Variants in KCNN2 observed in about 807,000 individuals in gnomAD.
KCNN2 encodes potassium calcium-activated channel subfamily N member 2, also known as small conductance calcium-activated potassium channel protein 2.
KCNN2 carries 24 observed loss-of-function variants against 55.5 expected under a neutral mutation model. That is an observed-to-expected ratio of 0.43 (90% CI 0.31 to 0.61). The LOEUF is 0.61. Ranked by LOEUF, KCNN2 falls within the 20% of genes least tolerant of loss-of-function variation. The probability of loss-of-function intolerance (pLI) is 0.08; values close to 1 mark genes in which losing one functional copy is unlikely to be tolerated. For synonymous variants in KCNN2, 431 were observed against 336.1 expected (o/e 1.28, Z -3.09); for missense variants, 754 against 853.6 (o/e 0.88, Z 1.45).
In KCNN2 at chr5:114,312,434, C is replaced by CAT. The variant is rs59964515; in HGVS notation, c.-184-48470_-184-48469dup. On this transcript the variant is annotated intron_variant, in intron 2 of 10. Coordinates refer to the KCNN2 transcript ENST00000512097. ...ACACACACACACACACACACACACA[C>CAT]ATATATATATATATATATATATATA... Among the ~76,000 whole-genome samples the CAT allele has an allele frequency of 3.9e-3, 92 of 23,382 alleles. 2 individuals are homozygous for CAT. Among genetic ancestry groups the CAT allele is most frequent in the Non-Finnish European group, 5.9e-3 (71 of 12,024 alleles). The allele number at this position is 23,382 out of a possible 152,430, so 15.3% of individuals were successfully genotyped here. A position where few individuals can be genotyped will look rare whatever the true frequency, so the allele number is the denominator to read the frequency against.
Position 114,393,646 on chromosome 5 carries a change from C to G in KCNN2, c.1219-10792C>G, listed in dbSNP as rs559005267. Among the ~76,000 whole-genome samples the G allele has an allele frequency of 2.8e-4, 42 of 152,214 alleles. No individual in the cohort carries two copies. The Middle Eastern group carries it at 0.014, about 49-fold the overall frequency. ...CATCCATTTCTAGTGCCCAGCCACTCAGTTCACCTTCCCTAAGTGACTTTT... is the reference window on the plus strand; with the variant it reads ...CATCCATTTCTAGTGCCCAGCCACTGAGTTCACCTTCCCTAAGTGACTTTT... On this transcript the variant is annotated intron_variant, in intron 2 of 7. Coordinates refer to ENST00000673685, the MANE Select transcript of KCNN2 (RefSeq NM_021614.4).
intron 1 of KCNN2, among the ~76,000 whole-genome samples, chr5:114,220,187 C>A (rs1754102578): frequency 6.6e-6 from 1 of 152,082 alleles, no homozygotes; most frequent in South Asian, 2.1e-4. Flanking sequence ...TATCTTAGGA[C>A]CTCTTCTTGG....
chr5:114,112,485 C>A (rs1223092658), intron 1 of KCNN2, among the ~76,000 whole-genome samples: 1 of 151,840 alleles, frequency 6.6e-6, no homozygotes, highest in Non-Finnish European at 1.5e-5. Flanking sequence ...ATAAAAAATA[C>A]ATAAATAAAT....
At chr5:114,250,354 G>A (rs1754834774) in intron 2 of KCNN2, among the ~76,000 whole-genome samples, 1 of 152,176 alleles carries the variant, frequency 6.6e-6, no homozygotes, top group Admixed American at 6.5e-5. Flanking sequence ...GAATCTGAGT[G>A]AGTTTCTAAG....
intron 2 of KCNN2, among the ~76,000 whole-genome samples, chr5:114,227,383 C>T (rs920751151): frequency 4.6e-5 from 7 of 152,296 alleles, no homozygotes; most frequent in Non-Finnish European, 8.8e-5. Flanking sequence ...TCCCTAGATC[C>T]GCTTGCTTAA....
At chr5:114,271,384 T>G (rs538107161) in intron 2 of KCNN2, among the ~76,000 whole-genome samples, 266 of 152,286 alleles carry the variant, frequency 1.7e-3, no homozygotes, top group Non-Finnish European at 2.1e-3. Context: ...TTTACAATCA[T>G]TTAGCTAGAC....
chr5:114,401,257 G>A (rs1454457730), intron 2 of KCNN2, among the ~76,000 whole-genome samples: 1 of 152,072 alleles, frequency 6.6e-6, no homozygotes, highest in Non-Finnish European at 1.5e-5. Flanking sequence ...AAACAACTAT[G>A]TAATAGAACA....
At chr5:114,146,184 T>C (rs1752394804) in intron 1 of KCNN2, among the ~76,000 whole-genome samples, 1 of 152,070 alleles carries the variant, frequency 6.6e-6, no homozygotes, top group African/African-American at 2.4e-5. Flanking sequence ...CCAGAAAAAA[T>C]GTTTTTCGGT....
At chr5:114,185,796 C>G (rs1340409055) in intron 1 of KCNN2, among the ~76,000 whole-genome samples, 1 of 150,792 alleles carries the variant, frequency 6.6e-6, no homozygotes, top group African/African-American at 2.4e-5. Context: ...TGACTAATGA[C>G]AAGGAGGAGC....
chr5:114,100,513 G>A (rs1384196373), intron 1 of KCNN2, among the ~76,000 whole-genome samples: 13 of 152,038 alleles, frequency 8.6e-5, no homozygotes, highest in Non-Finnish European at 8.8e-5. Context: ...AACAAACTAC[G>A]AATGAAAAGA....
Position 114,362,670 on chromosome 5 carries a change from C to T in KCNN2, c.531C>T (p.Gly177=), listed in dbSNP as rs1757466676. 7.0e-7 allele frequency: 1 copy of T among 1,420,712 alleles called. No individual in the cohort carries two copies. Among genetic ancestry groups the T allele is most frequent in the African/African-American group, 1.5e-5 (1 of 68,814 alleles). 88.0% of individuals were successfully genotyped at this position (1,420,712 alleles called of 1,614,324 possible). The change falls in exon 1 of 8, where the codon GGC becomes GGT. Residue 177 remains glycine, a synonymous_variant. Coordinates refer to ENST00000673685, the MANE Select transcript of KCNN2 (RefSeq NM_021614.4). ...ASPTGSLGSL[G]SGPPLSHHHH... ...CCACGGGCAGCCTCGGCAGTCTGGG[C>T]TCCGGGCCCCCGCTCTCGCACCACC...
intron 1 of KCNN2, among the ~76,000 whole-genome samples, chr5:114,185,087 C>G (rs986447530): frequency 2.0e-5 from 3 of 152,104 alleles, no homozygotes; most frequent in African/African-American, 7.2e-5. Context: ...AATAGTGGAG[C>G]TTTTAACCCT....
At chr5:114,298,077 G>T (rs1756066642) in intron 2 of KCNN2, among the ~76,000 whole-genome samples, 1 of 152,168 alleles carries the variant, frequency 6.6e-6, no homozygotes, top group Non-Finnish European at 1.5e-5. Flanking sequence ...TGCTTAAAAG[G>T]TACCTGATAC....
intron 1 of KCNN2, among the ~76,000 whole-genome samples, chr5:114,125,246 T>C (rs560458541): frequency 2.0e-5 from 3 of 152,214 alleles, no homozygotes; most frequent in Non-Finnish European, 4.4e-5. Flanking sequence ...CTCCAGTGTT[T>C]ACCCACCATC....
intron 1 of KCNN2, among the ~76,000 whole-genome samples, chr5:114,172,083 A>G (rs1217463678): frequency 6.6e-6 from 1 of 151,894 alleles, no homozygotes; most frequent in Non-Finnish European, 1.5e-5. Context: ...AGTTTCTACA[A>G]ACCTATTGAA....
chr5:114,334,928 T>C (rs1756893571), intron 2 of KCNN2, among the ~76,000 whole-genome samples: 1 of 152,082 alleles, frequency 6.6e-6, no homozygotes, highest in Non-Finnish European at 1.5e-5. Context: ...AAGGGCACAT[T>C]GCAGTTTTTT....
intron 1 of KCNN2, among the ~76,000 whole-genome samples, chr5:114,110,753 G>T (rs1370066098): frequency 6.6e-6 from 1 of 151,956 alleles, no homozygotes. Flanking sequence ...AGAGTTGCAT[G>T]GGAAAATGGC....
chr5:114,208,586 G>A (rs1753818113), intron 1 of KCNN2, among the ~76,000 whole-genome samples: 1 of 152,088 alleles, frequency 6.6e-6, no homozygotes, highest in African/African-American at 2.4e-5. Context: ...TTTATACGAA[G>A]CTGACACTGA....
chr5:114,279,008 C>T (rs932464640), intron 2 of KCNN2, among the ~76,000 whole-genome samples: 1 of 68,792 alleles, frequency 1.5e-5, no homozygotes, highest in African/African-American at 4.5e-5. Context: ...TTGGAAGCAA[C>T]CCCCTAGTTC....
Sources: gnomAD v4.1 joint callset for allele counts (sites outside exome capture counted in the v4.1 genomes callset) on GRCh38, gnomAD v4.1.1 for gene constraint, MANE v1.5 for transcripts, NCBI Gene and HGNC (gene_info 2026-07-23, HGNC 2026-07-21) for gene names.